DCAF1: variants seen among roughly 807,000 people sequenced by gnomAD.
The protein encoded by DCAF1 is DDB1- and CUL4-associated factor 1.
A neutral mutation model predicts 128.0 loss-of-function variants in DCAF1; 15 were observed. The observed-to-expected ratio is 0.12, with a 90% confidence interval of 0.08 to 0.18. The LOEUF is 0.18. Among genes scored for constraint, DCAF1 ranks in the 10% least tolerant of loss-of-function variants. DCAF1 has a pLI of 1.00. For synonymous variants in DCAF1, 610 were observed against 603.0 expected (o/e 1.01, Z -0.17); for missense variants, 988 against 1,649.5 (o/e 0.60, Z 6.95).
chr3:51,483,403 G>C (rs1706500372), intron 3 of DCAF1, among the ~76,000 whole-genome samples: 1 of 151,056 alleles, frequency 6.6e-6, no homozygotes, highest in Non-Finnish European at 1.5e-5. Flanking sequence ...TCACACCATT[G>C]TACTCCAGCC....
At chr3:51,395,899 T>TTTTG (rs1484401670), downstream of DCAF1, 3 of 413,396 alleles carry the variant, frequency 7.3e-6, no homozygotes, top group African/African-American at 2.1e-5. Context: ...ATTTGCCTGT[T>TTTTG]TTTGTTTTTT....
chr3:51,466,733 C>G, intron 5 of DCAF1, 70 bp downstream of exon 5: 1 of 1,522,348 alleles, frequency 6.6e-7, no homozygotes. Flanking sequence ...GCAAACTATT[C>G]ACGAAAAAAC....
intron 13 of DCAF1, among the ~76,000 whole-genome samples, chr3:51,425,287 A>G (rs1338473079): frequency 6.6e-6 from 1 of 152,030 alleles, no homozygotes; most frequent in Non-Finnish European, 1.5e-5. Flanking sequence ...CCTGGCCAAC[A>G]TGGCAAAACC....
At chr3:51,416,379 T>C (rs934796436) in intron 18 of DCAF1, among the ~76,000 whole-genome samples, 2 of 152,142 alleles carry the variant, frequency 1.3e-5, no homozygotes, top group African/African-American at 4.8e-5. Context: ...CTGTCTACCC[T>C]AGATAAAAGA....
intron 4 of DCAF1, 68 bp downstream of exon 4, chr3:51,470,861 A>G: frequency 1.7e-6 from 2 of 1,156,940 alleles, no homozygotes; most frequent in Non-Finnish European, 2.4e-6. Flanking sequence ...GAAAAAAAAG[A>G]CCCTCGCTTT....
chr3:51,500,727 G>C (rs938297753), upstream of DCAF1, among the ~76,000 whole-genome samples: 8 of 150,950 alleles, frequency 5.3e-5, no homozygotes, highest in Non-Finnish European at 2.9e-5. Flanking sequence ...GTATGTGCGT[G>C]TTTGGTAGAG....
chr3:51,470,752 G>C (rs527367976), intron 4 of DCAF1, among the ~76,000 whole-genome samples, 177 bp downstream of exon 4: 1 of 151,848 alleles, frequency 6.6e-6, no homozygotes, highest in East Asian at 1.9e-4. Flanking sequence ...GCTCCACCTT[G>C]AGCAACATTT....
intron 6 of DCAF1, among the ~76,000 whole-genome samples, chr3:51,454,960 G>A (rs868936653): frequency 7.9e-5 from 12 of 152,044 alleles, no homozygotes; most frequent in South Asian, 4.1e-4. Flanking sequence ...GGTGTGAGCC[G>A]CCACGCCCGG....
rs782714605 is a variant in DCAF1 at position 51,412,370 on chromosome 3, A to C, written c.4212+9T>G. On this transcript the variant is annotated intron_variant, in intron 23 of 24. Coordinates refer to ENST00000684031, the MANE Select transcript of DCAF1 (RefSeq NM_001387579.1). ...TGTTCAGCAGAAAGAAATCTCAAAG[A>C]CCACTGACCTGGTCCTCCTCTTCAT... 5.0e-6 allele frequency: 8 copies of C among 1,613,734 alleles called. No homozygotes were observed. The highest frequency in any genetic ancestry group is 6.8e-6 in the Non-Finnish European group (8 of 1,179,804).
chr3:51,400,950 G>GT (rs1553624675), intron 24 of DCAF1, among the ~76,000 whole-genome samples: 3 of 151,994 alleles, frequency 2.0e-5, no homozygotes, highest in African/African-American at 7.3e-5. Context: ...GGCTAACACG[G>GT]TGAAACCCTG....
intron 3 of DCAF1, among the ~76,000 whole-genome samples, chr3:51,482,668 G>C (rs549156517): frequency 6.7e-6 from 1 of 148,772 alleles, no homozygotes; most frequent in African/African-American, 2.5e-5. Flanking sequence ...GGGAGGCTGA[G>C]GCAGAAGAAT....
At chr3:51,403,020 G>C (rs2089843094) in intron 24 of DCAF1, 123 bp downstream of exon 24, 8 of 1,443,796 alleles carry the variant, frequency 5.5e-6, no homozygotes, top group Non-Finnish European at 9.2e-7. Context: ...AGAGACCAGA[G>C]TAGTGAATCA....
intron 15 of DCAF1, 150 bp from the exon 16 acceptor site, chr3:51,419,026 A>G: frequency 7.5e-7 from 1 of 1,341,302 alleles, no homozygotes; most frequent in South Asian, 1.7e-5. Context: ...TTTATTTTAA[A>G]TAAGAAAAAG....
At chr3:51,440,140 G>A (rs191238028) in intron 9 of DCAF1, 76 of 506,992 alleles carry the variant, frequency 1.5e-4, no homozygotes, top group African/African-American at 1.3e-3. Context: ...TTATCTCAAC[G>A]TTCAGCCTTT....
chr3:51,467,153 G>A (rs1553646776), intron 4 of DCAF1, among the ~76,000 whole-genome samples: 1 of 152,010 alleles, frequency 6.6e-6, no homozygotes, highest in African/African-American at 2.4e-5. Flanking sequence ...CCAACATGGC[G>A]AAATCCCATC....
At chr3:51,472,102 C>T (rs1704824641) in intron 3 of DCAF1, among the ~76,000 whole-genome samples, 1 of 152,150 alleles carries the variant, frequency 6.6e-6, no homozygotes, top group Non-Finnish European at 1.5e-5. Context: ...CAATGACTTA[C>T]CACAATACCC....
intron 15 of DCAF1, 134 bp downstream of exon 15, chr3:51,419,600 C>T: frequency 2.1e-6 from 3 of 1,424,604 alleles, no homozygotes; most frequent in Non-Finnish European, 2.8e-6. Context: ...AAAGGTGGTA[C>T]AATTACATTG....
chr3:51,504,401 G>T (rs1708893389), upstream of DCAF1, among the ~76,000 whole-genome samples: 1 of 151,988 alleles, frequency 6.6e-6, no homozygotes, highest in African/African-American at 2.4e-5. Context: ...AGGCTGGAGT[G>T]CAGTGAAGCA....
chr3:51,440,182 T>C (rs782396769), intron 9 of DCAF1: 3 of 509,356 alleles, frequency 5.9e-6, no homozygotes, highest in South Asian at 4.3e-5. Context: ...GTAGAGATAG[T>C]AAGCCTCCTC....
Sources: gnomAD v4.1 joint callset for allele counts (sites outside exome capture counted in the v4.1 genomes callset) on GRCh38, gnomAD v4.1.1 for gene constraint, MANE v1.5 for transcripts, NCBI Gene and HGNC (gene_info 2026-07-23, HGNC 2026-07-21) for gene names.